CCNB1IP1: variants seen among roughly 807,000 people sequenced by gnomAD.
CCNB1IP1 encodes the protein E3 ubiquitin-protein ligase CCNB1IP1.
In CCNB1IP1, 14 loss-of-function variants were observed where a neutral mutation model predicts 25.6. The ratio of observed to expected loss-of-function variants is 0.55; its 90% CI spans 0.36 to 0.85. The LOEUF (loss-of-function observed/expected upper bound fraction) is 0.85, where lower values mean the gene tolerates loss of function less well. Ranked by LOEUF, CCNB1IP1 falls within the 40% of genes least tolerant of loss-of-function variation. The probability of loss-of-function intolerance (pLI) is 0.01; values close to 1 mark genes in which losing one functional copy is unlikely to be tolerated. For missense variants in CCNB1IP1, 278 were observed against 342.4 expected (o/e 0.81, Z 1.48); for synonymous variants, 119 against 116.1 (o/e 1.02, Z -0.16).
chr14:20,313,749 T>A lies in CCNB1IP1; in HGVS notation c.350A>T (p.His117Leu). Residue 117 changes from histidine to leucine, a missense_variant, in exon 6 of 7, where the codon CAT (histidine) becomes CTT (leucine). His to Leu is a moderately conservative substitution (Grantham distance 99). Transcript: ENST00000358932. The stretch of plus-strand genomic sequence containing the variant: ...ATATATCTTCTCCATCTGTTTCAGA[T>A]GGCCCTCAGCCTTGCTGAAATTGTA... ...QEYNFSKAEG[H>L]LKQMEKIYTQ... 1.2e-6 allele frequency: 2 copies of A among 1,611,666 alleles called. No homozygotes were observed. Among genetic ancestry groups the A allele is most frequent in the Non-Finnish European group, 1.7e-6 (2 of 1,178,690 alleles).
rs1465071263 is a variant in CCNB1IP1 at position 20,326,767 on chromosome 14, G to C, written c.-204C>G. 4 of 274,234 alleles carry C rather than the reference G, an allele frequency of 1.5e-5. No homozygotes were observed. The highest frequency in any genetic ancestry group is 2.9e-5 in the Non-Finnish European group (4 of 136,786). The allele number at this position is 274,234 out of a possible 1,614,324, so 17.0% of individuals were successfully genotyped here. On this transcript the variant is annotated 5_prime_UTR_variant, in exon 3 of 7. Transcript: ENST00000358932. ...TATCTAGAAATCCAGTTGAACCACAGGATCTATCAATTATCTAGGATCATT... is the reference window on the plus strand; with the variant it reads ...TATCTAGAAATCCAGTTGAACCACACGATCTATCAATTATCTAGGATCATT...
At chr14:20,318,573 A>G (rs1262921339) in intron 4 of CCNB1IP1, 1 of 152,186 alleles carries the variant, frequency 6.6e-6, no homozygotes, top group Non-Finnish European at 1.5e-5. Context: ...AGCAGTGTTT[A>G]AATGATTGCA....
intron 5 of CCNB1IP1, 133 bp downstream of exon 5, chr14:20,316,094 G>T: frequency 1.2e-6 from 1 of 805,364 alleles, no homozygotes; most frequent in Non-Finnish European, 1.9e-6. Context: ...TATTGCTTTT[G>T]AAAACAATTT....
rs1566397412 is a variant in CCNB1IP1 at position 20,311,770 on chromosome 14, G to C, written c.632-18C>G. 1 of 1,566,360 alleles carries C rather than the reference G, an allele frequency of 6.4e-7. No homozygotes were observed. Among genetic ancestry groups the C allele is most frequent in the East Asian group, 2.2e-5 (1 of 44,656 alleles). On this transcript the variant is annotated intron_variant, in intron 6 of 6. Transcript: ENST00000358932. Reference sequence around the variant, plus strand: ...GTTGTTACCTAGGGCAGAAAAAAAGGAAAAACATAATTTTATTCATTTGTT... The same window carrying C: ...GTTGTTACCTAGGGCAGAAAAAAAGCAAAAACATAATTTTATTCATTTGTT...
At chr14:20,332,469 G>A (rs2138883637) in intron 1 of CCNB1IP1, among the ~76,000 whole-genome samples, 1 of 152,176 alleles carries the variant, frequency 6.6e-6, no homozygotes, top group East Asian at 1.9e-4. Context: ...TACTTCTAAA[G>A]GTACCTAACA....
At position 20,319,250 on chromosome 14, in the gene CCNB1IP1, C is replaced by T. The variant is rs191214487; in HGVS notation, c.-37-2690G>A. On this transcript the variant is annotated intron_variant, in intron 4 of 6. Transcript: ENST00000358932. Reference sequence around the variant, plus strand: ...CTGTGCAACTTCCTACAAGGTTTGTCATCTGTTTCGGAGTAATTAGGCCTT... The same window carrying T: ...CTGTGCAACTTCCTACAAGGTTTGTTATCTGTTTCGGAGTAATTAGGCCTT... 19 of 152,362 alleles carry T rather than the reference C, an allele frequency of 1.2e-4. No individual in the cohort carries two copies. In the East Asian group the frequency reaches 3.7e-3, roughly 29 times the overall value. The allele number at this position is 152,362 out of a possible 1,614,324, so 9.4% of individuals were successfully genotyped here.
intron 6 of CCNB1IP1, among the ~76,000 whole-genome samples, chr14:20,312,383 C>T (rs1355920669): frequency 1.3e-5 from 2 of 151,796 alleles, no homozygotes; most frequent in Non-Finnish European, 2.9e-5. Context: ...ACCTGCCCCC[C>T]ACCTTTTTTT....
intron 1 of CCNB1IP1, among the ~76,000 whole-genome samples, chr14:20,332,182 G>A (rs1883274074): frequency 6.6e-6 from 1 of 150,876 alleles, no homozygotes; most frequent in Non-Finnish European, 1.5e-5. Context: ...TTACAGGCAT[G>A]CGCCGCCATG....
intron 6 of CCNB1IP1, 127 bp from the exon 7 acceptor site, chr14:20,311,879 AC>A (rs1294188512): frequency 1.8e-6 from 1 of 540,710 alleles, no homozygotes; most frequent in Admixed American, 3.8e-5. Flanking sequence ...TTAGAAAAAA[AC>A]AGACATATAA....
intron 5 of CCNB1IP1, chr14:20,314,740 A>C (rs1882620032): frequency 6.6e-6 from 1 of 152,188 alleles, no homozygotes; most frequent in African/African-American, 2.4e-5. Context: ...CTTCAAACTC[A>C]ACAGTAAGGA....
intron 5 of CCNB1IP1, chr14:20,314,400 G>C (rs1475072978): frequency 6.6e-6 from 1 of 152,188 alleles, no homozygotes; most frequent in Non-Finnish European, 1.5e-5. Flanking sequence ...CCAATAGCCA[G>C]CAAAAAATTG....
chr14:20,311,841 AAT>A, intron 6 of CCNB1IP1, 89 bp from the exon 7 acceptor site: 1 of 642,276 alleles, frequency 1.6e-6, no homozygotes, highest in East Asian at 3.2e-5. Flanking sequence ...TATATATATG[AAT>A]ATATATTTTT....
rs1338512519 is a variant in CCNB1IP1 at position 20,316,615 on chromosome 14, GT to G, written c.-37-56del. ...AAGTTAAATTGCAATGAAAATAAAA[GT>G]AAAAAAGAAATATAACATGCACGTT... is the stretch of plus-strand genomic sequence containing the variant. On this transcript the variant is annotated intron_variant, in intron 4 of 6. Transcript: ENST00000358932. The G allele has an allele frequency of 9.1e-6, 9 of 992,718 alleles. No homozygotes were observed. The East Asian group carries it at 1.8e-4, about 20-fold the overall frequency. The allele number at this position is 992,718 out of a possible 1,614,324, so 61.5% of individuals were successfully genotyped here. A position where few individuals can be genotyped will look rare whatever the true frequency, so the allele number is the denominator to read the frequency against.
At chr14:20,332,640 CT>C (rs1227833721) in intron 1 of CCNB1IP1, among the ~76,000 whole-genome samples, 1 of 152,138 alleles carries the variant, frequency 6.6e-6, no homozygotes, top group Non-Finnish European at 1.5e-5. Context: ...GGTCCCTAAT[CT>C]TTTTCCATAG....
chr14:20,322,605 T>TGA (rs2138860938), intron 4 of CCNB1IP1, among the ~76,000 whole-genome samples: 1 of 147,826 alleles, frequency 6.8e-6, no homozygotes, highest in South Asian at 2.1e-4. Flanking sequence ...AAGAAAAGTT[T>TGA]TATATATATA....
At chr14:20,325,090 G>C (rs1029905215) in intron 4 of CCNB1IP1, among the ~76,000 whole-genome samples, 2 of 151,268 alleles carry the variant, frequency 1.3e-5, no homozygotes, top group Non-Finnish European at 2.9e-5. Flanking sequence ...TAGGATTACA[G>C]GTGTGAGCCA....
chr14:20,324,660 G>A (rs1389969263), intron 4 of CCNB1IP1, among the ~76,000 whole-genome samples: 1 of 152,066 alleles, frequency 6.6e-6, no homozygotes, highest in Non-Finnish European at 1.5e-5. Flanking sequence ...TAACCACCCT[G>A]AGTCAAATAC....
chr14:20,314,680 T>G (rs1043179680), intron 5 of CCNB1IP1: 4 of 152,024 alleles, frequency 2.6e-5, no homozygotes, highest in Non-Finnish European at 5.9e-5. Flanking sequence ...AAGCCACAGA[T>G]CAGGAGAGTA....
intron 4 of CCNB1IP1, among the ~76,000 whole-genome samples, chr14:20,322,453 T>C (rs1882924255): frequency 6.6e-6 from 1 of 152,168 alleles, no homozygotes; most frequent in African/African-American, 2.4e-5. Context: ...CCAAAGGATC[T>C]AAGAATAACA....
Sources: gnomAD v4.1 joint callset for allele counts (sites outside exome capture counted in the v4.1 genomes callset) on GRCh38, gnomAD v4.1.1 for gene constraint, MANE v1.5 for transcripts, NCBI Gene and HGNC (gene_info 2026-07-23, HGNC 2026-07-21) for gene names.